Variants in PLEKHA8 observed in about 807,000 individuals in gnomAD.
PLEKHA8 encodes the protein pleckstrin homology domain-containing family A member 8.
Under a neutral mutation model 68.2 loss-of-function variants are expected in PLEKHA8, and 36 were observed. The observed-to-expected ratio is 0.53, with a 90% CI of 0.40 to 0.70. The LOEUF is 0.70. Among genes scored for constraint, PLEKHA8 ranks in the 30% least tolerant of loss-of-function variants. The pLI is 0.00. For synonymous variants in PLEKHA8, 211 were observed against 216.1 expected (o/e 0.98, Z 0.20); for missense variants, 505 against 615.4 (o/e 0.82, Z 1.90).
At chr7:30,109,961 A>G (rs1796215634) in intron 13 of PLEKHA8, among the ~76,000 whole-genome samples, 1 of 152,190 alleles carries the variant, frequency 6.6e-6, no homozygotes, top group African/African-American at 2.4e-5. Flanking sequence ...TTTAGGATCC[A>G]GTACAAGATA....
intron 13 of PLEKHA8, among the ~76,000 whole-genome samples, chr7:30,099,589 C>G (rs1795772901): frequency 6.6e-6 from 1 of 152,166 alleles, no homozygotes; most frequent in Non-Finnish European, 1.5e-5. Context: ...TGCTGTTAAC[C>G]AGCTCAGCCT....
At chr7:30,090,355 A>C in exon 13 of PLEKHA8, 3 of 709,312 alleles carry the variant, frequency 4.2e-6, no homozygotes, top group South Asian at 2.4e-5. Context: ...AATGACTCAA[A>C]TGTATTATTG....
intron 13 of PLEKHA8, chr7:30,117,948 G>C: frequency 1.3e-6 from 2 of 1,495,510 alleles, no homozygotes; most frequent in South Asian, 2.5e-5. Flanking sequence ...TAAAAACTGA[G>C]ACGTGGATTC....
At chr7:30,099,258 A>G (rs1795756818) in intron 13 of PLEKHA8, among the ~76,000 whole-genome samples, 1 of 152,140 alleles carries the variant, frequency 6.6e-6, no homozygotes, top group South Asian at 2.1e-4. Flanking sequence ...ACCACAAACA[A>G]TGAATACCTG....
rs1795027249 is a variant in PLEKHA8 at position 30,083,145 on chromosome 7, G to C, written c.*4358G>C. On this transcript the variant is annotated 3_prime_UTR_variant, in exon 14 of 14. Coordinates refer to ENST00000449726, the MANE Select transcript of PLEKHA8 (RefSeq NM_001197026.2). ...AGCTGAGCTGATGTGTTTGGTCTTAGAGGGCCTGACTTCAGATACTCTTTG... is the reference window on the plus strand; with the variant it reads ...AGCTGAGCTGATGTGTTTGGTCTTACAGGGCCTGACTTCAGATACTCTTTG... 1 of 983,944 alleles carries C rather than the reference G, an allele frequency of 1.0e-6. No individual in the cohort carries two copies. Among genetic ancestry groups the C allele is most frequent in the African/African-American group, 1.7e-5 (1 of 57,168 alleles). The allele number at this position is 983,944 out of a possible 1,614,324, so 61.0% of individuals were successfully genotyped here.
intron 6 of PLEKHA8, chr7:30,050,842 T>G (rs771106950): frequency 1.9e-5 from 3 of 156,904 alleles, no homozygotes; most frequent in African/African-American, 7.2e-5. Flanking sequence ...TATTTTGTTG[T>G]GTTTAAAAAT....
chr7:30,061,888 T>C lies in PLEKHA8; in HGVS notation c.1099-9T>C. On this transcript the variant is annotated splice_polypyrimidine_tract_variant and intron_variant, in intron 10 of 13. Coordinates refer to ENST00000449726, the MANE Select transcript of PLEKHA8 (RefSeq NM_001197026.2). ...TTAAACTTAGGTTGTTTCCCTGCTT[T>C]CCCTCCAGAAAGTAAATCAGAAGTA... 1 of 1,613,528 alleles carries C rather than the reference T, an allele frequency of 6.2e-7. No individual in the cohort carries two copies.
chr7:30,122,431 A>T (rs887305125), intron 13 of PLEKHA8, among the ~76,000 whole-genome samples: 1 of 152,216 alleles, frequency 6.6e-6, no homozygotes, highest in African/African-American at 2.4e-5. Flanking sequence ...TTTTTAAAAA[A>T]TCATGGTTGT....
intron 13 of PLEKHA8, among the ~76,000 whole-genome samples, chr7:30,108,083 A>AAAAAAAAAAAAAAAAAAAAC (rs780069387): frequency 1.8e-4 from 26 of 144,540 alleles, no homozygotes; most frequent in Non-Finnish European, 3.5e-4. Context: ...AAAAAAAAAA[A>AAAAAAAAAAAAAAAAAAAAC]AAAAAAAAAC....
chr7:30,031,419 TAAAG>T (rs1230376063), intron 1 of PLEKHA8, among the ~76,000 whole-genome samples: 1 of 152,092 alleles, frequency 6.6e-6, no homozygotes. Context: ...TTAGAGGAAA[TAAAG>T]AAGAACTTTT....
At chr7:30,100,262 C>G (rs925029709) in intron 13 of PLEKHA8, among the ~76,000 whole-genome samples, 29 of 152,224 alleles carry the variant, frequency 1.9e-4, no homozygotes, top group African/African-American at 6.7e-4. Context: ...TTAAATATAT[C>G]TTTTGGGACT....
At chr7:30,043,006 T>TTTTGTTTGTTTG (rs139576666) in intron 1 of PLEKHA8, among the ~76,000 whole-genome samples, 337 of 151,880 alleles carry the variant, frequency 2.2e-3, no homozygotes, top group African/African-American at 6.9e-3. Context: ...GCATCACCTT[T>TTTTGTTTGTTTG]TTTGTTTGTT....
chr7:30,069,272 G>A (rs1794076414), intron 12 of PLEKHA8, among the ~76,000 whole-genome samples: 1 of 152,222 alleles, frequency 6.6e-6, no homozygotes, highest in African/African-American at 2.4e-5. Context: ...GAACTGTCTA[G>A]TTGAGCACAT....
At chr7:30,114,329 A>G (rs1377597872) in intron 13 of PLEKHA8, among the ~76,000 whole-genome samples, 1 of 152,252 alleles carries the variant, frequency 6.6e-6, no homozygotes, top group African/African-American at 2.4e-5. Context: ...TACCATTAGT[A>G]TACCTACTTT....
In PLEKHA8 at chr7:30,079,728, T is replaced by C. The variant is rs1260253622; in HGVS notation, c.*941T>C. Reference sequence around the variant, plus strand: ...TGGAGTGCTTGTTCAAACAGCAGATTCCCAGGCCTTATTTTGGCCTAAAGA... The same window carrying C: ...TGGAGTGCTTGTTCAAACAGCAGATCCCCAGGCCTTATTTTGGCCTAAAGA... On this transcript the variant is annotated 3_prime_UTR_variant, in exon 14 of 14. Transcript: ENST00000449726. 9.5e-6 allele frequency: 5 copies of C among 525,506 alleles called. No homozygotes were observed. In the African/African-American group the frequency reaches 1.0e-4, roughly 11 times the overall value. 32.6% of individuals were successfully genotyped at this position (525,506 alleles called of 1,614,324 possible).
At chr7:30,061,821 A>C in intron 10 of PLEKHA8, 76 bp from the exon 11 acceptor site, 1 of 1,541,894 alleles carries the variant, frequency 6.5e-7, no homozygotes, top group Non-Finnish European at 8.8e-7. Flanking sequence ...CCAAACTTAC[A>C]AGTCTCCAGA....
chr7:30,073,612 C>T (rs1301307459), intron 12 of PLEKHA8, among the ~76,000 whole-genome samples: 1 of 140,264 alleles, frequency 7.1e-6, no homozygotes, highest in Non-Finnish European at 1.5e-5. Flanking sequence ...TTTTTTACTG[C>T]TTTAGATTTT....
In PLEKHA8 at chr7:30,079,821, C is replaced by G; in HGVS notation, c.*1034C>G. 2 of 910,984 alleles carry G rather than the reference C, an allele frequency of 2.2e-6. No homozygotes were observed. The highest frequency in any genetic ancestry group is 2.6e-6 in the Non-Finnish European group (2 of 762,694). 56.4% of individuals were successfully genotyped at this position (910,984 alleles called of 1,614,324 possible). A position where few individuals can be genotyped will look rare whatever the true frequency, so the allele number is the denominator to read the frequency against. On this transcript the variant is annotated 3_prime_UTR_variant, in exon 14 of 14. Transcript: ENST00000449726. ...AAACTTTACACGTGATTCTTCTGCA[C>G]ACAGTATTGAAGAGCAACTAGATTA...
chr7:30,046,162 C>T (rs1197307849), intron 2 of PLEKHA8, 48 bp from the exon 3 acceptor site: 2 of 1,475,844 alleles, frequency 1.4e-6, no homozygotes, highest in Admixed American at 2.3e-5. Context: ...GGAGGCTACC[C>T]AGACAGGGCT....
Sources: allele counts gnomAD v4.1 joint callset (sites outside exome capture counted in the v4.1 genomes callset), GRCh38; gene constraint gnomAD v4.1.1; transcripts MANE v1.5; gene names NCBI Gene and HGNC (gene_info 2026-07-23, HGNC 2026-07-21).